Variants in KCNIP4 observed in about 807,000 individuals in gnomAD.
KCNIP4 encodes the protein Kv channel-interacting protein 4.
Under a neutral mutation model 34.0 loss-of-function variants are expected in KCNIP4, and 12 were observed. That is an observed-to-expected ratio of 0.35 (90% CI 0.23 to 0.57). The LOEUF is 0.57. KCNIP4 is among the 20% of genes least tolerant of loss of function. KCNIP4 has a pLI of 0.83. For synonymous variants in KCNIP4, 124 were observed against 102.2 expected (o/e 1.21, Z -1.29); for missense variants, 238 against 311.7 (o/e 0.76, Z 1.78).
At chr4:21,620,287 G>T (rs1744912086) in intron 1 of KCNIP4, among the ~76,000 whole-genome samples, 1 of 152,138 alleles carries the variant, frequency 6.6e-6, no homozygotes, top group South Asian at 2.1e-4. Flanking sequence ...CAGATCACTT[G>T]AGTCCAGAGT....
intron 1 of KCNIP4, among the ~76,000 whole-genome samples, chr4:21,645,508 C>A (rs967658657): frequency 1.3e-5 from 2 of 152,138 alleles, no homozygotes; most frequent in Admixed American, 6.5e-5. Flanking sequence ...GCACTTTATT[C>A]TCGTTACAAA....
chr4:20,865,950 C>T (rs559092034), intron 2 of KCNIP4, among the ~76,000 whole-genome samples: 44 of 152,022 alleles, frequency 2.9e-4, no homozygotes, highest in South Asian at 1.5e-3. Context: ...TCATGTTGTA[C>T]ACCATAAACA....
intron 1 of KCNIP4, among the ~76,000 whole-genome samples, chr4:21,836,361 A>G (rs1485168587): frequency 6.6e-6 from 1 of 152,168 alleles, no homozygotes; most frequent in African/African-American, 2.4e-5. Context: ...TAGAAAGGAG[A>G]TAATTGCCTC....
chr4:21,694,914 C>CAAAAAAAAAAAAAAAAAAACA (rs368053041), intron 1 of KCNIP4, among the ~76,000 whole-genome samples: 1 of 46,510 alleles, frequency 2.2e-5, no homozygotes, highest in Non-Finnish European at 5.5e-5. Flanking sequence ...CACGATTGAC[C>CAAAAAAAAAAAAAAAAAAACA]AAAAAAAAAA....
intron 1 of KCNIP4, among the ~76,000 whole-genome samples, chr4:21,253,990 A>G (rs1188631549): frequency 6.6e-6 from 1 of 152,216 alleles, no homozygotes; most frequent in Non-Finnish European, 1.5e-5. Context: ...AAATATCCAG[A>G]ATAGGTAAGT....
At chr4:21,082,036 C>T (rs757979922) in intron 1 of KCNIP4, among the ~76,000 whole-genome samples, 4 of 151,838 alleles carry the variant, frequency 2.6e-5, no homozygotes, top group Non-Finnish European at 5.9e-5. Context: ...CTGATGATTT[C>T]GCAGAAAAGA....
intron 1 of KCNIP4, among the ~76,000 whole-genome samples, chr4:20,953,930 G>A (rs1577426980): frequency 6.6e-6 from 1 of 152,116 alleles, no homozygotes; most frequent in South Asian, 2.1e-4. Context: ...GGCCATGCAG[G>A]TTAGCAAGTA....
At chr4:21,663,369 C>A (rs1748595072) in intron 1 of KCNIP4, among the ~76,000 whole-genome samples, 1 of 152,016 alleles carries the variant, frequency 6.6e-6, no homozygotes, top group Admixed American at 6.6e-5. Context: ...AAAGCTGATG[C>A]CTGTCCACAA....
At chr4:21,069,357 T>C in intron 1 of KCNIP4, among the ~76,000 whole-genome samples, 1 of 152,238 alleles carries the variant, frequency 6.6e-6, no homozygotes. Context: ...AGCACATCAT[T>C]CTACTCTGTT....
chr4:21,839,142 T>C (rs1320727408), intron 1 of KCNIP4, among the ~76,000 whole-genome samples: 3 of 152,196 alleles, frequency 2.0e-5, no homozygotes, highest in East Asian at 1.9e-4. Context: ...AATTTTATTA[T>C]ATTTAAAAGT....
At chr4:21,402,159 A>C (rs1251980568) in intron 1 of KCNIP4, among the ~76,000 whole-genome samples, 1 of 152,190 alleles carries the variant, frequency 6.6e-6, no homozygotes, top group Non-Finnish European at 1.5e-5. Flanking sequence ...GAATGAGAAA[A>C]AATTATTTGT....
chr4:21,236,805 C>T (rs1759389769), intron 1 of KCNIP4, among the ~76,000 whole-genome samples: 1 of 150,238 alleles, frequency 6.7e-6, no homozygotes, highest in Admixed American at 6.6e-5. Flanking sequence ...GTCAGGAGCT[C>T]AAGACCAGCC....
At chr4:21,272,484 G>C (rs536815380) in intron 1 of KCNIP4, among the ~76,000 whole-genome samples, 15 of 152,204 alleles carry the variant, frequency 9.9e-5, no homozygotes, top group African/African-American at 2.9e-4. Context: ...CCATTTTACG[G>C]ATAAGGAAAT....
At chr4:21,127,054 C>T (rs1006665906) in intron 1 of KCNIP4, among the ~76,000 whole-genome samples, 3 of 152,214 alleles carry the variant, frequency 2.0e-5, no homozygotes, top group South Asian at 2.1e-4. Context: ...ACCTCTGGAC[C>T]TTTGCATTTG....
chr4:21,197,059 C>A (rs2043390), intron 1 of KCNIP4, among the ~76,000 whole-genome samples: 79,211 of 151,990 alleles, frequency 0.52, 23,147 homozygotes, highest in African/African-American at 0.81. Context: ...TTTTGGCATT[C>A]TATTTGTGAG....
At chr4:21,540,058 C>A (rs927438698) in intron 1 of KCNIP4, among the ~76,000 whole-genome samples, 1 of 150,084 alleles carries the variant, frequency 6.7e-6, no homozygotes, top group African/African-American at 2.5e-5. Context: ...TAGGAGTGAA[C>A]AAAGTTTTAT....
At chr4:21,869,706 A>C (rs199768186) in intron 1 of KCNIP4, among the ~76,000 whole-genome samples, 3 of 151,140 alleles carry the variant, frequency 2.0e-5, no homozygotes, top group African/African-American at 7.3e-5. Context: ...CTTCCCCCCC[A>C]CCGCCACATA....
At chr4:20,943,275 G>A (rs1346539523) in intron 1 of KCNIP4, among the ~76,000 whole-genome samples, 1 of 152,154 alleles carries the variant, frequency 6.6e-6, no homozygotes, top group Non-Finnish European at 1.5e-5. Flanking sequence ...GTGGTTTGTG[G>A]AGCATCAGCT....
At chr4:20,818,489 G>A (rs1716696796) in intron 3 of KCNIP4, among the ~76,000 whole-genome samples, 1 of 152,188 alleles carries the variant, frequency 6.6e-6, no homozygotes, top group Non-Finnish European at 1.5e-5. Flanking sequence ...GACTGGCTCA[G>A]ATCTCATAAT....
Sources: allele counts gnomAD v4.1 joint callset (sites outside exome capture counted in the v4.1 genomes callset), GRCh38; gene constraint gnomAD v4.1.1; transcripts MANE v1.5; gene names NCBI Gene and HGNC (gene_info 2026-07-23, HGNC 2026-07-21).